AKAP6: variants seen among roughly 807,000 people sequenced by gnomAD.
AKAP6 encodes A-kinase anchoring protein 6, also known as A-kinase anchor protein 6.
In AKAP6, 58 loss-of-function variants were observed where a neutral mutation model predicts 188.5. That is an observed-to-expected ratio of 0.31 (90% CI 0.25 to 0.38). AKAP6 has a LOEUF of 0.38. Among genes scored for constraint, AKAP6 ranks in the 10% least tolerant of loss-of-function variants. AKAP6 has a pLI of 1.00. For missense variants in AKAP6, 2,710 were observed against 2,740.0 expected (o/e 0.99, Z 0.24); for synonymous variants, 989 against 998.6 (o/e 0.99, Z 0.18).
intron 1 of AKAP6, among the ~76,000 whole-genome samples, chr14:32,368,867 T>G (rs1887918035): frequency 6.9e-6 from 1 of 145,674 alleles, no homozygotes; most frequent in Admixed American, 6.7e-5. Flanking sequence ...GTTTAGTGGA[T>G]ATTAAGAAGA....
At chr14:32,332,053 C>T (rs1886550429) in intron 1 of AKAP6, among the ~76,000 whole-genome samples, 1 of 151,796 alleles carries the variant, frequency 6.6e-6, no homozygotes, top group Non-Finnish European at 1.5e-5. Context: ...TTATTTAGCC[C>T]TTATTATTAT....
Position 32,568,548 on chromosome 14 carries a change from T to TA in AKAP6, c.2347-8569dup, listed in dbSNP as rs1157051365. Among the ~76,000 whole-genome samples the TA allele has an allele frequency of 3.3e-5, 5 of 152,116 alleles. No homozygotes were observed. The highest frequency in any genetic ancestry group is 2.9e-5 in the Non-Finnish European group (2 of 68,006). On this transcript the variant is annotated intron_variant, in intron 4 of 13. Transcript: ENST00000280979. The surrounding 1 kb of genome is among the most constrained non-coding windows in gnomAD (Gnocchi z 6.2). Reference sequence around the variant, plus strand: ...GTATCTCAGGTGCTCATTTGAGACTTAAAGGCAGATAAAGATGATCTGATC... The same window carrying TA: ...GTATCTCAGGTGCTCATTTGAGACTTAAAAGGCAGATAAAGATGATCTGATC...
chr14:32,561,598 A>T (rs1449675354), intron 4 of AKAP6, among the ~76,000 whole-genome samples: 1 of 152,196 alleles, frequency 6.6e-6, no homozygotes, highest in Non-Finnish European at 1.5e-5. Context: ...TCCTAATGGT[A>T]AGTGAATGTG....
At chr14:32,403,011 T>G (rs980579958) in intron 1 of AKAP6, 1 of 152,230 alleles carries the variant, frequency 6.6e-6, no homozygotes, top group Non-Finnish European at 1.5e-5. Context: ...GGATTATAGG[T>G]GTGAGCCACT....
At chr14:32,445,399 G>A (rs1194382229) in intron 2 of AKAP6, among the ~76,000 whole-genome samples, 1 of 151,996 alleles carries the variant, frequency 6.6e-6, no homozygotes, top group African/African-American at 2.4e-5. Flanking sequence ...TTGAGATGGA[G>A]TCTCACTCTG....
intron 1 of AKAP6, among the ~76,000 whole-genome samples, chr14:32,396,760 C>T (rs1223873836): frequency 1.3e-5 from 2 of 152,022 alleles, no homozygotes; most frequent in African/African-American, 4.8e-5. Flanking sequence ...CAGAAGAGGG[C>T]AGAATTAATG....
chr14:32,412,119 TC>T (rs1447953735), intron 1 of AKAP6, among the ~76,000 whole-genome samples: 1 of 152,218 alleles, frequency 6.6e-6, no homozygotes, highest in Non-Finnish European at 1.5e-5. Flanking sequence ...TTTCAGCTTT[TC>T]TGGATTTTCT....
intron 1 of AKAP6, among the ~76,000 whole-genome samples, chr14:32,423,036 T>C (rs1042064082): frequency 3.9e-5 from 6 of 152,168 alleles, no homozygotes; most frequent in African/African-American, 1.4e-4. Context: ...TTCTTCCTAT[T>C]CTTGAGTGGT....
At chr14:32,761,276 C>A (rs966220070) in intron 11 of AKAP6, among the ~76,000 whole-genome samples, 1 of 152,226 alleles carries the variant, frequency 6.6e-6, no homozygotes, top group South Asian at 2.1e-4. Flanking sequence ...TCTCTTCCTG[C>A]ATTCTTGTTA....
rs546999915 is a variant in AKAP6 at position 32,673,686 on chromosome 14, G to A, written c.2731-4625G>A. Reference sequence around the variant, plus strand: ...GGAGGTGGAGGTTGCAGTGAGCCACGATTGTGTCACTGCACTCCAGCTTGG... The same window carrying A: ...GGAGGTGGAGGTTGCAGTGAGCCACAATTGTGTCACTGCACTCCAGCTTGG... On this transcript the variant is annotated intron_variant, in intron 7 of 13. Transcript: ENST00000280979. 1.0e-3 allele frequency among the ~76,000 whole-genome samples: 155 copies of A among 152,260 alleles called. 1 individual carries two copies. The highest frequency in any genetic ancestry group is 1.8e-3 in the Non-Finnish European group (123 of 68,012).
In AKAP6 at chr14:32,700,613, A is replaced by G. The variant is rs988843223; in HGVS notation, c.3000+4503A>G. 5.9e-5 allele frequency among the ~76,000 whole-genome samples: 9 copies of G among 152,194 alleles called. No individual in the cohort carries two copies. The South Asian group carries it at 1.9e-3, about 32-fold the overall frequency. On this transcript the variant is annotated intron_variant, in intron 9 of 13. Coordinates refer to ENST00000280979, the MANE Select transcript of AKAP6 (RefSeq NM_004274.5). ...ACCTTTTCTATATTTATGTACACAA[A>G]TACTTACCATTGTGTTACGGTTGCC...
chr14:32,766,125 G>T (rs551596289), intron 11 of AKAP6, among the ~76,000 whole-genome samples: 1 of 152,146 alleles, frequency 6.6e-6, no homozygotes, highest in South Asian at 2.1e-4. Context: ...GTGACCTTTT[G>T]TATCTGTCTT....
intron 2 of AKAP6, among the ~76,000 whole-genome samples, chr14:32,462,189 A>G (rs1003993076): frequency 6.6e-6 from 1 of 152,194 alleles, no homozygotes; most frequent in Non-Finnish European, 1.5e-5. Flanking sequence ...TCCCCACCCT[A>G]GCAAGACAGG....
At chr14:32,817,806 C>T (rs748898538) in intron 12 of AKAP6, among the ~76,000 whole-genome samples, 64 of 152,008 alleles carry the variant, frequency 4.2e-4, no homozygotes, top group Non-Finnish European at 7.9e-4. Context: ...CAAAAACAAA[C>T]GTTTGATTAG....
At chr14:32,342,271 C>T (rs947882756) in intron 1 of AKAP6, among the ~76,000 whole-genome samples, 2 of 152,166 alleles carry the variant, frequency 1.3e-5, no homozygotes, top group Non-Finnish European at 2.9e-5. Flanking sequence ...ACTTAGCACA[C>T]CTGAAATGAT....
chr14:32,572,126 G>A lies in AKAP6; in HGVS notation c.2347-4994G>A, dbSNP rs550922875. On this transcript the variant is annotated intron_variant, in intron 4 of 13. Transcript: ENST00000280979. ...CCTGGGTCTGATAATTTGTCTGCAGGAACACTGTTTCTAGAGGGTGGTGTG... is the reference window on the plus strand; with the variant it reads ...CCTGGGTCTGATAATTTGTCTGCAGAAACACTGTTTCTAGAGGGTGGTGTG... 7.2e-5 allele frequency among the ~76,000 whole-genome samples: 11 copies of A among 152,258 alleles called. No individual in the cohort carries two copies. In the South Asian group the frequency reaches 2.3e-3, roughly 32 times the overall value.
chr14:32,745,475 C>G (rs7492325), intron 11 of AKAP6, among the ~76,000 whole-genome samples: 38 of 69,036 alleles, frequency 5.5e-4, no homozygotes, highest in Non-Finnish European at 9.8e-4. Flanking sequence ...CTCTCTCTCT[C>G]TCTCTCTCTC....
chr14:32,557,857 T>C (rs957951576), intron 4 of AKAP6, among the ~76,000 whole-genome samples: 1 of 152,194 alleles, frequency 6.6e-6, no homozygotes, highest in African/African-American at 2.4e-5. Context: ...TCACTCTCTG[T>C]CACCCATTTT....
chr14:32,618,271 G>A (rs1886666833), intron 7 of AKAP6, among the ~76,000 whole-genome samples: 2 of 152,142 alleles, frequency 1.3e-5, no homozygotes, highest in Non-Finnish European at 2.9e-5. Context: ...GGTGAAACCT[G>A]AGATTTTAGT....
Sources: allele counts gnomAD v4.1 joint callset (sites outside exome capture counted in the v4.1 genomes callset), GRCh38; gene constraint gnomAD v4.1.1; non-coding constraint Gnocchi (gnomAD v3.1); transcripts MANE v1.5; gene names NCBI Gene and HGNC (gene_info 2026-07-23, HGNC 2026-07-21).